TSHZ1: variants seen among roughly 807,000 people sequenced by gnomAD.
TSHZ1 encodes the protein teashirt homolog 1.
Under a neutral mutation model 67.1 loss-of-function variants are expected in TSHZ1, and 12 were observed. That is an observed-to-expected ratio of 0.18 (90% CI 0.11 to 0.29). The LOEUF (loss-of-function observed/expected upper bound fraction) is 0.29, where lower values mean the gene tolerates loss of function less well. Among genes scored for constraint, TSHZ1 ranks in the 10% least tolerant of loss-of-function variants. The pLI, the probability that TSHZ1 is intolerant of heterozygous loss-of-function variation, is 1.00. For synonymous variants in TSHZ1, 632 were observed against 622.4 expected, an observed-to-expected ratio of 1.02 and a Z score of -0.23; for missense variants, 1,305 against 1,413.9, an observed-to-expected ratio of 0.92 and a Z score of 1.23.
intron 1 of TSHZ1, among the ~76,000 whole-genome samples, chr18:75,256,356 G>C (rs2023361563): frequency 6.6e-6 from 1 of 152,210 alleles, no homozygotes; most frequent in Non-Finnish European, 1.5e-5. Flanking sequence ...TTCTAGGTCT[G>C]GTCATAGCAG....
intron 1 of TSHZ1, among the ~76,000 whole-genome samples, chr18:75,270,540 T>C (rs1470579614): frequency 6.6e-6 from 1 of 152,224 alleles, no homozygotes; most frequent in African/African-American, 2.4e-5. Flanking sequence ...CCCTTCTCTA[T>C]CCAGGTGGAT....
intron 1 of TSHZ1, among the ~76,000 whole-genome samples, chr18:75,236,221 G>A (rs2023068868): frequency 6.6e-6 from 1 of 152,190 alleles, no homozygotes. Context: ...GACCAGGGGT[G>A]TGTGTCTCAG....
intron 1 of TSHZ1, among the ~76,000 whole-genome samples, chr18:75,277,128 A>C (rs182808460): frequency 1.3e-5 from 2 of 152,186 alleles, no homozygotes; most frequent in African/African-American, 4.8e-5. Context: ...GAAGAACAAG[A>C]AGGGCCCAGC....
intron 1 of TSHZ1, among the ~76,000 whole-genome samples, chr18:75,223,481 C>A (rs1423614603): frequency 6.6e-6 from 1 of 152,150 alleles, no homozygotes; most frequent in Non-Finnish European, 1.5e-5. Context: ...GGATCCCCTT[C>A]TGTTTTTCAG....
intron 1 of TSHZ1, among the ~76,000 whole-genome samples, chr18:75,223,998 G>T (rs968827724): frequency 1.3e-5 from 2 of 150,712 alleles, no homozygotes; most frequent in Non-Finnish European, 2.9e-5. Context: ...AATCATTCGG[G>T]GTCATTCATA....
intron 1 of TSHZ1, among the ~76,000 whole-genome samples, chr18:75,233,682 C>G (rs137883220): frequency 6.2e-4 from 94 of 152,298 alleles, no homozygotes; most frequent in African/African-American, 1.6e-3. Flanking sequence ...GAGAAACTAC[C>G]TGTTTGCTGG....
At chr18:75,221,739 A>G (rs1040528824) in intron 1 of TSHZ1, among the ~76,000 whole-genome samples, 5 of 152,216 alleles carry the variant, frequency 3.3e-5, no homozygotes, top group African/African-American at 1.2e-4. Flanking sequence ...TAGCTACATG[A>G]AAATAACAGT....
chr18:75,273,908 C>T (rs952922063), intron 1 of TSHZ1, among the ~76,000 whole-genome samples: 6 of 152,204 alleles, frequency 3.9e-5, no homozygotes, highest in South Asian at 2.1e-4. Context: ...TATTCACACC[C>T]ATGCACATAC....
At position 75,287,223 on chromosome 18, in the gene TSHZ1, G is replaced by A. The variant is rs781364196; in HGVS notation, c.1816G>A (p.Ala606Thr). Reference protein sequence around the residue: ...VQSVQVQPSYAGGVKSLSSAE... With the variant: ...VQSVQVQPSYTGGVKSLSSAE... ...GAGCGTGCAGGTGCAGCCGTCCTAT[G>A]CTGGCGGCGTGAAGTCGCTGTCTTC... Residue 606 changes from alanine (A) to threonine (T), a missense_variant, in exon 2 of 2, where the codon GCT becomes ACT. By Grantham distance (58) the Ala-to-Thr change is moderately conservative (BLOSUM62 0). Coordinates refer to ENST00000580243, the MANE Select transcript of TSHZ1 (RefSeq NM_001308210.2). The surrounding 1 kb of genome is among the most constrained non-coding windows in gnomAD (Gnocchi z 5.0). 1 of 1,613,906 alleles carries A rather than the reference G, an allele frequency of 6.2e-7. No homozygotes were observed. The highest frequency in any genetic ancestry group is 1.7e-5 in the Admixed American group (1 of 60,010).
intron 1 of TSHZ1, among the ~76,000 whole-genome samples, chr18:75,232,241 C>T (rs1391753339): frequency 6.6e-6 from 1 of 152,132 alleles, no homozygotes; most frequent in African/African-American, 2.4e-5. Flanking sequence ...GCTAGATTTC[C>T]CTCATTTTGA....
rs756002428 is a variant in TSHZ1, at chr18:75,286,232, C to T, written c.825C>T (p.Asn275=). The change falls in exon 2 of 2, where the codon AAC becomes AAT. Residue 275 remains asparagine, a synonymous_variant. Coordinates refer to ENST00000580243, the MANE Select transcript of TSHZ1 (RefSeq NM_001308210.2). The surrounding 1 kb of genome is among the most constrained non-coding windows in gnomAD (Gnocchi z 5.1). ...AGACAGGCCACTACCGTGACGACAA[C>T]AGGGACAAGGACTCCGAGAAGACCA... The part of the protein sequence containing the change: ...MNETGHYRDD[N]RDKDSEKTKR... The T allele has an allele frequency of 5.0e-6, 8 of 1,613,962 alleles. No homozygotes were observed. Among genetic ancestry groups the T allele is most frequent in the Non-Finnish European group, 6.8e-6 (8 of 1,179,972 alleles).
chr18:75,271,124 T>C (rs887884113), intron 1 of TSHZ1, among the ~76,000 whole-genome samples: 12 of 152,210 alleles, frequency 7.9e-5, no homozygotes. Flanking sequence ...ATCCCACTTA[T>C]AGTCTGTGTC....
intron 1 of TSHZ1, among the ~76,000 whole-genome samples, chr18:75,270,784 A>G (rs972205328): frequency 1.3e-5 from 2 of 149,896 alleles, no homozygotes; most frequent in Non-Finnish European, 3.0e-5. Flanking sequence ...TGTTTAGCCC[A>G]CTCCCATGGT....
At position 75,285,893 on chromosome 18, in the gene TSHZ1, C is replaced by T. The variant is rs36060224; in HGVS notation, c.486C>T (p.Thr162=). 2 of 1,488,140 alleles carry T rather than the reference C, an allele frequency of 1.3e-6. No homozygotes were observed. The highest frequency in any genetic ancestry group is 1.8e-6 in the Non-Finnish European group (2 of 1,102,330). 92.2% of individuals were successfully genotyped at this position (1,488,140 alleles called of 1,614,324 possible). A position where few individuals can be genotyped will look rare whatever the true frequency, so the allele number is the denominator to read the frequency against. ...ESSAPTPTPP[T]CPVSTTGPTT... The stretch of plus-strand genomic sequence containing the variant: ...CCGCCCCCACCCCCACACCCCCCAC[C>T]TGCCCCGTCAGCACCACTGGCCCCA... Residue 162 remains threonine (T), a synonymous_variant, in exon 2 of 2, where the codon ACC becomes ACT. Transcript: ENST00000580243.
In TSHZ1 at chr18:75,287,801, C is replaced by T. The variant is rs546200843; in HGVS notation, c.2394C>T (p.Ile798=). The T allele has an allele frequency of 1.0e-4, 163 of 1,614,008 alleles. No individual in the cohort carries two copies. Among genetic ancestry groups the T allele is most frequent in the Non-Finnish European group, 1.3e-4 (155 of 1,180,058 alleles). ...PATPVKQADA[I]DRYYYENSDQ... ...CCCCTGTGAAGCAGGCCGATGCCAT[C>T]GACCGCTACTATTATGAAAACAGCG... The change falls in exon 2 of 2, where the codon ATC becomes ATT. Residue 798 remains isoleucine, a synonymous_variant. Coordinates refer to ENST00000580243, the MANE Select transcript of TSHZ1 (RefSeq NM_001308210.2). The surrounding 1 kb of genome is among the most constrained non-coding windows in gnomAD (Gnocchi z 5.0).
chr18:75,282,569 T>TC (rs2023699650), intron 1 of TSHZ1, among the ~76,000 whole-genome samples: 1 of 152,136 alleles, frequency 6.6e-6, no homozygotes, highest in South Asian at 2.1e-4. Flanking sequence ...AGGGCCGTCG[T>TC]CCAACAGAGG....
chr18:75,278,890 A>C (rs1302638202), intron 1 of TSHZ1, among the ~76,000 whole-genome samples: 3 of 152,142 alleles, frequency 2.0e-5, no homozygotes, highest in African/African-American at 7.2e-5. Context: ...TGAGGCCGGC[A>C]GTCAGTCACA....
chr18:75,260,966 C>T (rs748765456), intron 1 of TSHZ1, among the ~76,000 whole-genome samples: 6 of 152,010 alleles, frequency 3.9e-5, no homozygotes, highest in South Asian at 2.1e-4. Context: ...ATGGGACGCG[C>T]GTCCCTTTTT....
intron 1 of TSHZ1, among the ~76,000 whole-genome samples, chr18:75,258,265 C>T (rs760754339): frequency 8.5e-5 from 13 of 152,216 alleles, no homozygotes; most frequent in Non-Finnish European, 1.9e-4. Flanking sequence ...GCAAGTGCCG[C>T]ACCCCCAAGC....
Sources: gnomAD v4.1 joint callset for allele counts (sites outside exome capture counted in the v4.1 genomes callset) on GRCh38, gnomAD v4.1.1 for gene constraint, Gnocchi (gnomAD v3.1) non-coding constraint, MANE v1.5 for transcripts, NCBI Gene and HGNC (gene_info 2026-07-23, HGNC 2026-07-21) for gene names.